Variants in ZNF827 observed in about 807,000 individuals in gnomAD.
ZNF827 encodes the protein zinc finger protein 827.
In ZNF827, 13 loss-of-function variants were observed where a neutral mutation model predicts 102.4. The observed-to-expected ratio is 0.13, with a 90% confidence interval of 0.08 to 0.20. ZNF827 has a LOEUF of 0.20. Among genes scored for constraint, ZNF827 ranks in the 10% least tolerant of loss-of-function variants. ZNF827 has a pLI of 1.00. For synonymous variants in ZNF827, 523 were observed against 536.2 expected, an observed-to-expected ratio of 0.98 and a Z score of 0.34; for missense variants, 1,103 against 1,344.4, an observed-to-expected ratio of 0.82 and a Z score of 2.81.
rs368614209 is a variant in ZNF827, at chr4:145,930,657, G to A, written c.43+7708C>T. ...TAGTAAAAGCTGTTTTTTATAAGAAGGGAATGGACAGTCGGAAACAATATC... is the reference window on the plus strand; with the variant it reads ...TAGTAAAAGCTGTTTTTTATAAGAAAGGAATGGACAGTCGGAAACAATATC... On this transcript the variant is annotated intron_variant, in intron 1 of 14. Coordinates refer to ENST00000508784, the MANE Select transcript of ZNF827 (RefSeq NM_001306215.2). 8.9e-4 allele frequency among the ~76,000 whole-genome samples: 136 copies of A among 152,314 alleles called. 1 individual carries two copies. The South Asian group carries it at 0.012, about 13-fold the overall frequency.
chr4:145,936,911 A>ACT (rs1308288860), intron 1 of ZNF827, among the ~76,000 whole-genome samples: 2 of 151,748 alleles, frequency 1.3e-5, no homozygotes, highest in Non-Finnish European at 2.9e-5. Context: ...AGAGGGGAGT[A>ACT]GTGTGGGGGG....
chr4:145,878,682 G>A (rs937993649), intron 4 of ZNF827, among the ~76,000 whole-genome samples: 2 of 150,166 alleles, frequency 1.3e-5, no homozygotes, highest in Admixed American at 6.6e-5. Flanking sequence ...AGGAAGGAAG[G>A]GAGAGAGAGG....
At chr4:145,863,312 G>A (rs925667284) in intron 5 of ZNF827, among the ~76,000 whole-genome samples, 7 of 152,208 alleles carry the variant, frequency 4.6e-5, no homozygotes, top group African/African-American at 1.7e-4. Flanking sequence ...ACGTGAAATG[G>A]TGCAGCTACT....
intron 5 of ZNF827, among the ~76,000 whole-genome samples, chr4:145,856,765 C>G (rs909849689): frequency 3.5e-5 from 5 of 144,374 alleles, no homozygotes; most frequent in Admixed American, 1.4e-4. Flanking sequence ...CTGAGCAAAC[C>G]ACGAGACCAA....
At chr4:145,786,868 T>A (rs1260823852) in intron 8 of ZNF827, among the ~76,000 whole-genome samples, 2 of 152,202 alleles carry the variant, frequency 1.3e-5, no homozygotes, top group African/African-American at 4.8e-5. Flanking sequence ...ATCTACCGTT[T>A]TAGAATTTCC....
At chr4:145,930,459 A>T (rs777179572) in intron 1 of ZNF827, among the ~76,000 whole-genome samples, 14 of 152,206 alleles carry the variant, frequency 9.2e-5, no homozygotes, top group Non-Finnish European at 1.8e-4. Flanking sequence ...AGAGAAAGAG[A>T]TAGAGAGACA....
intron 11 of ZNF827, among the ~76,000 whole-genome samples, chr4:145,771,437 G>T (rs1416134841): frequency 6.6e-6 from 1 of 152,216 alleles, no homozygotes; most frequent in African/African-American, 2.4e-5. Context: ...AATGTGAGGT[G>T]AGGTATTGAT....
At chr4:145,764,875 C>G in intron 13 of ZNF827, 113 bp downstream of exon 13, 1 of 1,472,076 alleles carries the variant, frequency 6.8e-7, no homozygotes, top group Non-Finnish European at 9.4e-7. Flanking sequence ...CCTCTCATAC[C>G]AAGCTCCCCT....
At chr4:145,914,812 T>C (rs1480245304) in intron 1 of ZNF827, among the ~76,000 whole-genome samples, 4 of 152,220 alleles carry the variant, frequency 2.6e-5, no homozygotes, top group South Asian at 2.1e-4. Flanking sequence ...TCCTCAGGCA[T>C]GCCCTTGGGG....
chr4:145,886,134 C>T lies in ZNF827; in HGVS notation c.1291G>A (p.Glu431Lys). The change falls in exon 4 of 15, where the codon GAG becomes AAG. Residue 431 changes from glutamate to lysine, a missense_variant. Glu to Lys is a moderately conservative substitution (Grantham distance 56, BLOSUM62 1). This residue lies in a region of ZNF827 where 157 missense variants were observed against 211.7 expected (regional missense o/e 0.74). Transcript: ENST00000508784. ...GGGCACAGCTGGCACTGAAAGGTCT[C>T]TCCCCGATCCTGGTGCTGATGAACC... ...MKVHQHQDRG[E>K]TFQCQLCPFT... The T allele has an allele frequency of 1.9e-6, 3 of 1,603,926 alleles. No individual in the cohort carries two copies. Among genetic ancestry groups the T allele is most frequent in the Non-Finnish European group, 1.7e-6 (2 of 1,175,354 alleles).
At chr4:145,904,933 A>G (rs1165382492) in intron 1 of ZNF827, among the ~76,000 whole-genome samples, 1 of 152,236 alleles carries the variant, frequency 6.6e-6, no homozygotes, top group African/African-American at 2.4e-5. Flanking sequence ...TACAAGGATG[A>G]GCACAAAGAG....
Position 145,761,237 on chromosome 4 carries a change from T to C in ZNF827, c.*379A>G, listed in dbSNP as rs1734447787. 13 of 1,289,832 alleles carry C rather than the reference T, an allele frequency of 1.0e-5. No individual in the cohort carries two copies. Among genetic ancestry groups the C allele is most frequent in the South Asian group, 1.2e-5 (1 of 81,022 alleles). The allele number at this position is 1,289,832 out of a possible 1,614,324, so 79.9% of individuals were successfully genotyped here. On this transcript the variant is annotated 3_prime_UTR_variant, in exon 15 of 15. Transcript: ENST00000508784. The surrounding 1 kb of genome is among the most constrained non-coding windows in gnomAD (Gnocchi z 6.8). ...TGGCGGCTGAAGACGAAAGGGTGTG[T>C]GGTCTTGAACAGGCACTCTTCGCAG...
rs1255605234 is a variant in ZNF827, at chr4:145,760,362, C to T, written c.*1254G>A. The T allele has an allele frequency of 2.6e-5, 4 of 152,358 alleles. No homozygotes were observed. The highest frequency in any genetic ancestry group is 3.8e-4 in the East Asian group (2 of 5,206). 9.4% of individuals were successfully genotyped at this position (152,358 alleles called of 1,614,324 possible). On this transcript the variant is annotated 3_prime_UTR_variant, in exon 15 of 15. Coordinates refer to ENST00000508784, the MANE Select transcript of ZNF827 (RefSeq NM_001306215.2). ...TCAGAATCCACAAACGCCCACACAC[C>T]GCATTCACCCAACAGAAAACCAAAT... is the stretch of plus-strand genomic sequence containing the variant.
At chr4:145,838,486 C>T (rs13134624) in intron 7 of ZNF827, among the ~76,000 whole-genome samples, 36,095 of 152,100 alleles carry the variant, frequency 0.24, 4,698 homozygotes, top group Non-Finnish European at 0.28. Flanking sequence ...GTGGTCTCTT[C>T]ACAGGGACGC....
At chr4:145,908,675 C>T (rs987866536) in intron 1 of ZNF827, among the ~76,000 whole-genome samples, 2 of 152,216 alleles carry the variant, frequency 1.3e-5, no homozygotes, top group African/African-American at 4.8e-5. Flanking sequence ...ACCAGTGCTA[C>T]TAATTGACTT....
intron 8 of ZNF827, among the ~76,000 whole-genome samples, chr4:145,780,166 G>C (rs1201829297): frequency 6.6e-6 from 1 of 150,482 alleles, no homozygotes; most frequent in Non-Finnish European, 1.5e-5. Flanking sequence ...ACTCCAGCCT[G>C]GGTGGCAGAG....
At chr4:145,896,587 A>G (rs1455104226) in intron 2 of ZNF827, among the ~76,000 whole-genome samples, 1 of 152,196 alleles carries the variant, frequency 6.6e-6, no homozygotes. Flanking sequence ...GGGAATAGAG[A>G]GAAGTGAAAT....
intron 3 of ZNF827, among the ~76,000 whole-genome samples, chr4:145,889,041 G>T (rs562384007): frequency 1.3e-5 from 2 of 152,022 alleles, no homozygotes. Context: ...TTAAAACATC[G>T]ATATACCAAT....
chr4:145,896,703 A>G (rs1331326058), intron 2 of ZNF827, among the ~76,000 whole-genome samples: 3 of 152,228 alleles, frequency 2.0e-5, no homozygotes. Context: ...GTGCCCCAAT[A>G]CACATTCTAA....
Sources: gnomAD v4.1 joint callset for allele counts (sites outside exome capture counted in the v4.1 genomes callset) on GRCh38, gnomAD v4.1.1 for gene constraint, gnomAD v4.1.1 regional missense constraint, Gnocchi (gnomAD v3.1) non-coding constraint, MANE v1.5 for transcripts, NCBI Gene and HGNC (gene_info 2026-07-23, HGNC 2026-07-21) for gene names.